XKR5: variants seen among roughly 807,000 people sequenced by gnomAD.
XKR5 encodes the protein XK-related protein 5.
In XKR5, 46 loss-of-function variants were observed where a neutral mutation model predicts 40.8. That is an observed-to-expected ratio of 1.13 (90% CI 0.89 to 1.44). XKR5 has a LOEUF of 1.44. Among genes scored for constraint, XKR5 ranks in the 40% most tolerant of loss-of-function variants. The probability of loss-of-function intolerance (pLI) is 0.00; values close to 1 mark genes in which losing one functional copy is unlikely to be tolerated. For synonymous variants in XKR5, 466 were observed against 356.1 expected (o/e 1.31, Z -3.48); for missense variants, 1,169 against 844.7 (o/e 1.38, Z -4.76).
rs1213173906 is a variant in XKR5, at chr8:6,815,795, A to G, written c.919+12T>C. On this transcript the variant is annotated intron_variant, in intron 6 of 6. Transcript: ENST00000618742. Reference sequence around the variant, plus strand: ...GAGGGGATGCAGAGAAGAAGGTGACATTGGGACTTACCAATCAGAAATCCA... The same window carrying G: ...GAGGGGATGCAGAGAAGAAGGTGACGTTGGGACTTACCAATCAGAAATCCA... 1.3e-6 allele frequency: 2 copies of G among 1,570,480 alleles called. No homozygotes were observed. The highest frequency in any genetic ancestry group is 2.3e-5 in the South Asian group (2 of 86,574).
Position 6,832,815 on chromosome 8 carries a change from C to A in XKR5, c.144G>T (p.Leu48Phe). Residue 48 changes from leucine to phenylalanine, a missense_variant, in exon 2 of 7, where the codon TTG becomes TTT. Leu to Phe is a conservative substitution (Grantham distance 22). Coordinates refer to ENST00000618742, the MANE Select transcript of XKR5 (RefSeq NM_207411.5). The part of the protein sequence containing the change: ...LALAVLLPGF[L>F]VQALSYLWFR... Reference sequence around the variant, plus strand: ...ACCACAGGTAGCTCAGGGCCTGGACCAAGAACCCGGGCAGGAGGACAGCAA... The same window carrying A: ...ACCACAGGTAGCTCAGGGCCTGGACAAAGAACCCGGGCAGGAGGACAGCAA... 3 of 1,612,814 alleles carry A rather than the reference C, an allele frequency of 1.9e-6. No individual in the cohort carries two copies. The highest frequency in any genetic ancestry group is 2.5e-6 in the Non-Finnish European group (3 of 1,179,476).
intron 6 of XKR5, among the ~76,000 whole-genome samples, chr8:6,814,749 G>T (rs957645991): frequency 6.6e-6 from 1 of 152,200 alleles, no homozygotes; most frequent in African/African-American, 2.4e-5. Flanking sequence ...GTCTCATGAA[G>T]AAGAACAGAG....
chr8:6,816,599 T>C (rs933828567), intron 5 of XKR5, among the ~76,000 whole-genome samples: 1 of 151,082 alleles, frequency 6.6e-6, no homozygotes, highest in African/African-American at 2.4e-5. Context: ...ATGACATAAT[T>C]CAAAGACGAT....
intron 2 of XKR5, among the ~76,000 whole-genome samples, chr8:6,830,352 T>G (rs1453942789): frequency 1.3e-5 from 2 of 152,212 alleles, no homozygotes; most frequent in Non-Finnish European, 2.9e-5. Context: ...CTTCACTCAG[T>G]GTTGTCTTTG....
chr8:6,821,313 G>A (rs1162463890), intron 5 of XKR5, among the ~76,000 whole-genome samples: 2 of 152,184 alleles, frequency 1.3e-5, no homozygotes, highest in East Asian at 3.8e-4. Flanking sequence ...ACTCCTATGA[G>A]TCCCAGACAT....
intron 1 of XKR5, 86 bp downstream of exon 1, chr8:6,835,350 G>T: frequency 7.7e-7 from 1 of 1,296,778 alleles, no homozygotes; most frequent in Non-Finnish European, 9.9e-7. Flanking sequence ...GTGCCCGCCC[G>T]GGCATAGGCA....
rs1309984375 is a variant in XKR5 at position 6,808,824 on chromosome 8, A to G, written c.*2374T>C. On this transcript the variant is annotated 3_prime_UTR_variant, in exon 7 of 7. Transcript: ENST00000618742. ...AGCAAATTCCCCATATCCCACCCTT[A>G]CTTTTACCCCATAACACAAATGCCG... is the stretch of plus-strand genomic sequence containing the variant. The G allele has an allele frequency of 6.6e-6, 1 of 152,150 alleles. No individual in the cohort carries two copies. Among genetic ancestry groups the G allele is most frequent in the Non-Finnish European group, 1.5e-5 (1 of 68,024 alleles). The allele number at this position is 152,150 out of a possible 1,614,324, so 9.4% of individuals were successfully genotyped here.
At chr8:6,824,227 G>T (rs544157393) in intron 3 of XKR5, among the ~76,000 whole-genome samples, 2 of 151,656 alleles carry the variant, frequency 1.3e-5, no homozygotes, top group East Asian at 3.9e-4. Context: ...AGGCATATAT[G>T]TGAAGCATTT....
Position 6,821,831 on chromosome 8 carries a change from A to G in XKR5, c.807+38T>C, listed in dbSNP as rs184856522. ...CCCACACACACCCCACTTGCTGTAT[A>G]CACTGTAAAAGTTAGGATAAAGAAA... On this transcript the variant is annotated intron_variant, in intron 5 of 6. Transcript: ENST00000618742. 1.2e-3 allele frequency: 1,880 copies of G among 1,595,258 alleles called. 3 individuals are homozygous for G. The highest frequency in any genetic ancestry group is 1.5e-3 in the Non-Finnish European group (1,739 of 1,169,004).
At chr8:6,826,104 A>G (rs1345471766) in intron 2 of XKR5, among the ~76,000 whole-genome samples, 4 of 152,122 alleles carry the variant, frequency 2.6e-5, no homozygotes, top group Non-Finnish European at 4.4e-5. Context: ...GTGCGTGTAT[A>G]TGGGTGAACA....
rs1803685561 is a variant in XKR5 at position 6,811,503 on chromosome 8, C to G, written c.1756G>C (p.Val586Leu). 1 of 1,528,554 alleles carries G rather than the reference C, an allele frequency of 6.5e-7. No homozygotes were observed. The highest frequency in any genetic ancestry group is 1.4e-5 in the African/African-American group (1 of 72,996). 94.7% of individuals were successfully genotyped at this position (1,528,554 alleles called of 1,614,324 possible). Residue 586 changes from valine to leucine, a missense_variant, in exon 7 of 7, where the codon GTG (valine) becomes CTG (leucine). Transcript: ENST00000618742. ...SPAQPASPHP[V>L]GLAPFPDTMA... ...GTGTCGGGGAAGGGCGCCAAGCCCACTGGGTGGGGCGATGCAGGCTGGGCA... is the reference window on the plus strand; with the variant it reads ...GTGTCGGGGAAGGGCGCCAAGCCCAGTGGGTGGGGCGATGCAGGCTGGGCA...
chr8:6,812,037 C>G lies in XKR5; in HGVS notation c.1222G>C (p.Val408Leu). ...TTTCCTGTTTTTAGGGCAAGTTTCA[C>G]CCACAGCCAGTGGTGATGACTGAGG... The part of the protein sequence containing the change: ...SFLSHHHWLW[V>L]KLALKTGNVS... The change falls in exon 7 of 7, where the codon GTG (valine) becomes CTG (leucine). Residue 408 changes from valine (V) to leucine (L), a missense_variant. Physicochemically the swap from Val to Leu is conservative, Grantham distance 32. Coordinates refer to ENST00000618742, the MANE Select transcript of XKR5 (RefSeq NM_207411.5). The G allele has an allele frequency of 2.6e-6, 4 of 1,538,128 alleles. No individual in the cohort carries two copies. The highest frequency in any genetic ancestry group is 1.7e-6 in the Non-Finnish European group (2 of 1,146,930).
At chr8:6,835,386 T>G in intron 1 of XKR5, 50 bp downstream of exon 1, 1 of 1,361,436 alleles carries the variant, frequency 7.3e-7, no homozygotes, top group Non-Finnish European at 9.4e-7. Context: ...GGCGCCGGGG[T>G]GGGGTTAGGG....
intron 6 of XKR5, among the ~76,000 whole-genome samples, chr8:6,815,259 G>A (rs1803904634): frequency 6.6e-6 from 1 of 152,184 alleles, no homozygotes; most frequent in Non-Finnish European, 1.5e-5. Flanking sequence ...CACAGACCTT[G>A]GGGCCATGCA....
intron 2 of XKR5, chr8:6,829,317 A>C (rs1048546212): frequency 1.2e-5 from 2 of 169,268 alleles, no homozygotes; most frequent in Non-Finnish European, 2.9e-5. Flanking sequence ...CTTAAAAAGA[A>C]AGATGAAAAA....
intron 4 of XKR5, 22 bp downstream of exon 4, chr8:6,823,499 C>A: frequency 6.4e-7 from 1 of 1,563,684 alleles, no homozygotes; most frequent in East Asian, 2.4e-5. Flanking sequence ...CAACAGATGA[C>A]CAGATCATTA....
intron 2 of XKR5, among the ~76,000 whole-genome samples, chr8:6,832,300 A>G (rs57357347): frequency 0.037 from 5,601 of 152,274 alleles, 267 homozygotes; most frequent in African/African-American, 0.11. Flanking sequence ...CTTGAAGCAA[A>G]TGTCAACAGG....
intron 2 of XKR5, among the ~76,000 whole-genome samples, chr8:6,830,220 C>CT (rs1302688139): frequency 6.6e-6 from 1 of 152,182 alleles, no homozygotes; most frequent in Non-Finnish European, 1.5e-5. Context: ...GATGAGGACA[C>CT]TCAAAGTGAC....
In XKR5 at chr8:6,811,939, T is replaced by A; in HGVS notation, c.1320A>T (p.Gln440His). The A allele has an allele frequency of 6.5e-7, 1 of 1,537,370 alleles. No individual in the cohort carries two copies. The highest frequency in any genetic ancestry group is 1.2e-5 in the South Asian group (1 of 84,066). The change falls in exon 7 of 7, where the codon CAA becomes CAT. Residue 440 changes from glutamine (Q) to histidine (H), a missense_variant. Physicochemically the swap from Gln to His is conservative, Grantham distance 24. Coordinates refer to ENST00000618742, the MANE Select transcript of XKR5 (RefSeq NM_207411.5). ...AGGCCTTTCTCTGCAGGTAGTCCTGTTGACTCAACCCCCATGCAGGTGGAC... is the reference window on the plus strand; with the variant it reads ...AGGCCTTTCTCTGCAGGTAGTCCTGATGACTCAACCCCCATGCAGGTGGAC... ...AYCPPAWGLS[Q>H]QDYLQRKALS...
Sources: gnomAD v4.1 joint callset for allele counts (sites outside exome capture counted in the v4.1 genomes callset) on GRCh38, gnomAD v4.1.1 for gene constraint, MANE v1.5 for transcripts, NCBI Gene and HGNC (gene_info 2026-07-23, HGNC 2026-07-21) for gene names.